Variants in ATAD5 observed in about 807,000 individuals in gnomAD.
The protein encoded by ATAD5 is ATPase family AAA domain containing 5.
A neutral mutation model predicts 176.9 loss-of-function variants in ATAD5; 58 were observed. The ratio of observed to expected loss-of-function variants is 0.33; its 90% CI spans 0.27 to 0.41. ATAD5 has a LOEUF of 0.41. Among genes scored for constraint, ATAD5 ranks in the 10% least tolerant of loss-of-function variants. The probability of loss-of-function intolerance (pLI) is 1.00; values close to 1 mark genes in which losing one functional copy is unlikely to be tolerated. For missense variants in ATAD5, 1,789 were observed against 2,094.1 expected, an observed-to-expected ratio of 0.85 and a Z score of 2.84; for synonymous variants, 640 against 712.6, an observed-to-expected ratio of 0.90 and a Z score of 1.62.
At chr17:30,862,481 T>C (rs746996724) in intron 10 of ATAD5, among the ~76,000 whole-genome samples, 3 of 152,194 alleles carry the variant, frequency 2.0e-5, no homozygotes, top group Non-Finnish European at 4.4e-5. Flanking sequence ...TCTTTTTGCT[T>C]AGGCTGCAGT....
chr17:30,890,633 G>C (rs1396014205), intron 19 of ATAD5, among the ~76,000 whole-genome samples: 1 of 151,524 alleles, frequency 6.6e-6, no homozygotes, highest in East Asian at 1.9e-4. Context: ...GAGTTAGCCA[G>C]GATGGTCCCG....
In ATAD5 at chr17:30,893,285, GT is replaced by G; in HGVS notation, c.4441-4del. On this transcript the variant is annotated splice_polypyrimidine_tract_variant and splice_region_variant and intron_variant, in intron 20 of 22. Coordinates refer to ENST00000321990, the MANE Select transcript of ATAD5 (RefSeq NM_024857.5). ...CTGTAACATTTCTTTACTCAAAATT[GT>G]TTTTCAGCACAAAATCACAATGAAG... The G allele has an allele frequency of 6.4e-7, 1 of 1,554,616 alleles. No homozygotes were observed. The highest frequency in any genetic ancestry group is 8.7e-7 in the Non-Finnish European group (1 of 1,154,200).
At chr17:30,852,442 C>T (rs1207667383) in intron 6 of ATAD5, among the ~76,000 whole-genome samples, 1 of 152,168 alleles carries the variant, frequency 6.6e-6, no homozygotes, top group Non-Finnish European at 1.5e-5. Context: ...AGACGAAGGT[C>T]TAGCATTAAA....
rs1394700835 is a variant in ATAD5 at position 30,887,132 on chromosome 17, T to C, written c.4078-60T>C. 5 of 1,380,426 alleles carry C rather than the reference T, an allele frequency of 3.6e-6. No individual in the cohort carries two copies. In the African/African-American group the frequency reaches 7.4e-5, roughly 21 times the overall value. The allele number at this position is 1,380,426 out of a possible 1,614,324, so 85.5% of individuals were successfully genotyped here. Reference sequence around the variant, plus strand: ...CTCACTTTTAGATACTATTTGTATGTATTATTGCTGTATCTATTTGAACTC... The same window carrying C: ...CTCACTTTTAGATACTATTTGTATGCATTATTGCTGTATCTATTTGAACTC... On this transcript the variant is annotated intron_variant, in intron 18 of 22. Coordinates refer to ENST00000321990, the MANE Select transcript of ATAD5 (RefSeq NM_024857.5).
chr17:30,844,389 C>T (rs763244524), intron 5 of ATAD5, among the ~76,000 whole-genome samples: 9 of 152,012 alleles, frequency 5.9e-5, no homozygotes, highest in Non-Finnish European at 1.2e-4. Flanking sequence ...TCTTGGCTTC[C>T]CAAAGTGCTG....
chr17:30,857,388 G>A (rs1320219253), intron 8 of ATAD5, among the ~76,000 whole-genome samples: 3 of 151,896 alleles, frequency 2.0e-5, no homozygotes, highest in Non-Finnish European at 4.4e-5. Context: ...GCTAATTTTT[G>A]TATTTTTAGT....
At chr17:30,837,121 A>G (rs1905793748) in intron 2 of ATAD5, 85 bp from the exon 3 acceptor site, 2 of 760,860 alleles carry the variant, frequency 2.6e-6, no homozygotes, top group East Asian at 6.3e-5. Flanking sequence ...CCACTGCACC[A>G]GCTCTATTTT....
intron 10 of ATAD5, among the ~76,000 whole-genome samples, chr17:30,861,058 C>T (rs1907601190): frequency 6.6e-6 from 1 of 152,120 alleles, no homozygotes; most frequent in Admixed American, 6.6e-5. Context: ...CCACCTCGGC[C>T]TCCCAAAGTG....
At chr17:30,875,213 G>T (rs561645112) in intron 14 of ATAD5, among the ~76,000 whole-genome samples, 10 of 152,232 alleles carry the variant, frequency 6.6e-5, no homozygotes, top group African/African-American at 2.4e-4. Flanking sequence ...CTAAATCCAG[G>T]TACCTAGAGG....
In ATAD5 at chr17:30,836,823, C is replaced by T. The variant is rs560442178; in HGVS notation, c.1968-383C>T. On this transcript the variant is annotated intron_variant, in intron 2 of 22. Coordinates refer to ENST00000321990, the MANE Select transcript of ATAD5 (RefSeq NM_024857.5). ...CCTCAAGTGATCTGCCTGCCTCGGC[C>T]TCCCAAAGTACTGGGTTTACAGGTG... Among the ~76,000 whole-genome samples, 5 of 152,292 alleles carry T rather than the reference C, an allele frequency of 3.3e-5. No homozygotes were observed. The South Asian group carries it at 8.3e-4, about 25-fold the overall frequency.
chr17:30,837,182 C>A, intron 2 of ATAD5, 24 bp from the exon 3 acceptor site: 1 of 1,277,428 alleles, frequency 7.8e-7, no homozygotes, highest in South Asian at 1.4e-5. Context: ...GAAAATGTTT[C>A]TGAATACCTT....
chr17:30,869,251 T>G lies in ATAD5; in HGVS notation c.3317T>G (p.Phe1106Cys). 1 of 1,596,212 alleles carries G rather than the reference T, an allele frequency of 6.3e-7. No homozygotes were observed. The highest frequency in any genetic ancestry group is 8.5e-7 in the Non-Finnish European group (1 of 1,175,780). ...KGKRDEKHED[F>C]SGGIDFKGSS... ...ATGCATTTGAATAATTTTTCAGATTTCTCGGGTGGCATAGACTTTAAAGGC... is the reference window on the plus strand; with the variant it reads ...ATGCATTTGAATAATTTTTCAGATTGCTCGGGTGGCATAGACTTTAAAGGC... Residue 1106 changes from phenylalanine to cysteine, a missense_variant, in exon 13 of 23, where the codon TTC becomes TGC. Phe to Cys is a radical substitution (Grantham distance 205). Transcript: ENST00000321990.
At chr17:30,881,646 C>T (rs1464074861) in intron 18 of ATAD5, among the ~76,000 whole-genome samples, 2 of 152,176 alleles carry the variant, frequency 1.3e-5, no homozygotes, top group Admixed American at 6.5e-5. Context: ...GAGGCAGTGG[C>T]TCACACCTGT....
chr17:30,842,731 T>C (rs1333074268), intron 4 of ATAD5, among the ~76,000 whole-genome samples: 4 of 152,172 alleles, frequency 2.6e-5, no homozygotes, highest in Non-Finnish European at 5.9e-5. Flanking sequence ...TGCATATGAA[T>C]ACCAGGTCAT....
At position 30,869,554 on chromosome 17, in the gene ATAD5, A is replaced by T. The variant is rs1326216430; in HGVS notation, c.3515A>T (p.Lys1172Met). The change falls in exon 14 of 23, where the codon AAG becomes ATG. Residue 1172 changes from lysine to methionine, a missense_variant. This residue lies in a region of ATAD5 where 194 missense variants were observed against 270.1 expected (regional missense o/e 0.72). Coordinates refer to ENST00000321990, the MANE Select transcript of ATAD5 (RefSeq NM_024857.5). ...GGTAGACAAATTCTATCTCAGTTGA[A>T]GGAAGCTACTCAGTCCCATCAAGTA... ...RSGRQILSQL[K>M]EATQSHQVDK... 6.2e-7 allele frequency: 1 copy of T among 1,612,474 alleles called. No individual in the cohort carries two copies. The highest frequency in any genetic ancestry group is 1.7e-5 in the Admixed American group (1 of 59,398).
chr17:30,836,274 G>A (rs1311386560), intron 2 of ATAD5, among the ~76,000 whole-genome samples: 1 of 151,772 alleles, frequency 6.6e-6, no homozygotes, highest in African/African-American at 2.4e-5. Flanking sequence ...CACCTCCCAG[G>A]TTCAAGCAAT....
At chr17:30,876,702 C>CTTTTTTTTTTTT (rs202065630) in intron 15 of ATAD5, 152 bp downstream of exon 15, 1 of 125,966 alleles carries the variant, frequency 7.9e-6, no homozygotes, top group Non-Finnish European at 1.5e-5. Context: ...ATTTTGTTTC[C>CTTTTTTTTTTTT]TTTTTTTTTT....
At chr17:30,847,454 C>T (rs1314288957) in intron 6 of ATAD5, among the ~76,000 whole-genome samples, 1 of 151,672 alleles carries the variant, frequency 6.6e-6, no homozygotes, top group Non-Finnish European at 1.5e-5. Context: ...CCTCAGACTC[C>T]CGAGTAGCTG....
chr17:30,894,788 A>G (rs765787693), intron 22 of ATAD5, 47 bp from the exon 23 acceptor site: 1 of 1,555,612 alleles, frequency 6.4e-7, no homozygotes, highest in Non-Finnish European at 8.7e-7. Flanking sequence ...TTTTCATAAG[A>G]TGAAAATGTT....
Sources: allele counts gnomAD v4.1 joint callset (sites outside exome capture counted in the v4.1 genomes callset), GRCh38; gene constraint gnomAD v4.1.1; regional missense constraint gnomAD v4.1.1; transcripts MANE v1.5; gene names NCBI Gene and HGNC (gene_info 2026-07-23, HGNC 2026-07-21).